FHIT: variants seen among roughly 807,000 people sequenced by gnomAD.
The protein encoded by FHIT is fragile histidine triad diadenosine triphosphatase.
Under a neutral mutation model 17.9 loss-of-function variants are expected in FHIT, and 19 were observed. The observed-to-expected ratio is 1.06, with a 90% CI of 0.74 to 1.56. FHIT has a LOEUF of 1.56. Ranked by LOEUF, FHIT falls within the 40% of genes most tolerant of loss-of-function variation. The probability of loss-of-function intolerance (pLI) is 0.00; values close to 1 mark genes in which losing one functional copy is unlikely to be tolerated. For missense variants in FHIT, 248 were observed against 189.2 expected, an observed-to-expected ratio of 1.31 and a Z score of -1.82; for synonymous variants, 81 against 69.7, an observed-to-expected ratio of 1.16 and a Z score of -0.81.
chr3:60,237,311 A>G (rs560196448), intron 5 of FHIT, among the ~76,000 whole-genome samples: 3 of 127,790 alleles, frequency 2.3e-5, no homozygotes, highest in African/African-American at 9.5e-5. Flanking sequence ...CCTATTTCCT[A>G]CATGACCTAA....
intron 5 of FHIT, among the ~76,000 whole-genome samples, chr3:60,063,362 C>G (rs1462389254): frequency 1.3e-5 from 2 of 152,136 alleles, no homozygotes; most frequent in Admixed American, 6.5e-5. Context: ...CTGATATACT[C>G]CAGATACATC....
intron 7 of FHIT, among the ~76,000 whole-genome samples, chr3:60,006,834 A>G (rs1325712863): frequency 1.3e-5 from 2 of 152,142 alleles, no homozygotes; most frequent in Non-Finnish European, 2.9e-5. Context: ...AAAGATTACC[A>G]AATTTTCAGG....
At chr3:59,932,594 G>A (rs909200066) in intron 7 of FHIT, among the ~76,000 whole-genome samples, 4 of 152,092 alleles carry the variant, frequency 2.6e-5, no homozygotes, top group Non-Finnish European at 5.9e-5. Flanking sequence ...TACCCACTTC[G>A]TTTAAAAGCC....
At chr3:60,571,709 T>A (rs571112696) in intron 4 of FHIT, among the ~76,000 whole-genome samples, 1 of 152,108 alleles carries the variant, frequency 6.6e-6, no homozygotes, top group East Asian at 1.9e-4. Flanking sequence ...ATCATTACAA[T>A]AGAGCTACAT....
At chr3:60,689,255 CTTTG>C (rs537868812) in intron 4 of FHIT, among the ~76,000 whole-genome samples, 78 of 152,172 alleles carry the variant, frequency 5.1e-4, no homozygotes, top group Middle Eastern at 3.4e-3. Flanking sequence ...AAATAAACGT[CTTTG>C]TTTGTGAATT....
At chr3:59,793,060 A>G (rs974865167) in intron 8 of FHIT, among the ~76,000 whole-genome samples, 3 of 152,198 alleles carry the variant, frequency 2.0e-5, no homozygotes, top group Middle Eastern at 3.4e-3. Flanking sequence ...TGCCCAGATC[A>G]TCATTTTCTT....
intron 2 of FHIT, among the ~76,000 whole-genome samples, chr3:61,094,800 C>T (rs2035589047): frequency 6.6e-6 from 1 of 152,138 alleles, no homozygotes; most frequent in Non-Finnish European, 1.5e-5. Context: ...GGACAGGGAG[C>T]ATCTACAGTG....
intron 8 of FHIT, among the ~76,000 whole-genome samples, chr3:59,844,252 A>C (rs1158977289): frequency 6.6e-6 from 1 of 152,170 alleles, no homozygotes; most frequent in Admixed American, 6.6e-5. Context: ...AACAGATATA[A>C]TTTAATTTCT....
intron 4 of FHIT, among the ~76,000 whole-genome samples, chr3:60,614,602 CA>C (rs531589565): frequency 8.7e-5 from 13 of 149,142 alleles, no homozygotes; most frequent in African/African-American, 2.7e-4. Flanking sequence ...CAAAACACCT[CA>C]AAAAAAATTA....
intron 4 of FHIT, among the ~76,000 whole-genome samples, chr3:60,740,480 T>C (rs1232822054): frequency 2.6e-5 from 4 of 152,238 alleles, no homozygotes; most frequent in African/African-American, 9.6e-5. Context: ...ACAATAGCTG[T>C]TAGCATTGTT....
intron 2 of FHIT, among the ~76,000 whole-genome samples, chr3:61,094,448 C>A (rs1308261609): frequency 6.6e-6 from 1 of 152,138 alleles, no homozygotes; most frequent in Non-Finnish European, 1.5e-5. Flanking sequence ...TAAAATTAGA[C>A]AATTCCCATA....
At chr3:60,209,327 T>G (rs908782366) in intron 5 of FHIT, among the ~76,000 whole-genome samples, 1 of 152,180 alleles carries the variant, frequency 6.6e-6, no homozygotes, top group African/African-American at 2.4e-5. Flanking sequence ...GTCTAGGCAC[T>G]GTAACAGTGG....
intron 4 of FHIT, among the ~76,000 whole-genome samples, chr3:60,544,682 C>T (rs887674469): frequency 1.1e-4 from 16 of 149,108 alleles, no homozygotes; most frequent in African/African-American, 2.5e-4. Flanking sequence ...CTGCAAACTC[C>T]GCCTCCCCGG....
chr3:60,648,872 G>A (rs950734164), intron 4 of FHIT, among the ~76,000 whole-genome samples: 3 of 152,276 alleles, frequency 2.0e-5, no homozygotes, highest in Admixed American at 2.0e-4. Flanking sequence ...AACATCTGAG[G>A]TTCACTCAGT....
intron 4 of FHIT, among the ~76,000 whole-genome samples, chr3:60,588,901 T>C (rs2107691500): frequency 6.6e-6 from 1 of 152,158 alleles, no homozygotes; most frequent in Non-Finnish European, 1.5e-5. Flanking sequence ...GTTTCCCAAG[T>C]TTAAGAATTC....
chr3:61,139,039 T>C (rs2036998550), intron 2 of FHIT, among the ~76,000 whole-genome samples: 1 of 151,268 alleles, frequency 6.6e-6, no homozygotes, highest in Non-Finnish European at 1.5e-5. Context: ...ACTTTTTTTT[T>C]TTTTTTTTGA....
intron 4 of FHIT, among the ~76,000 whole-genome samples, chr3:60,577,140 C>CTT (rs1328224774): frequency 6.6e-6 from 1 of 152,168 alleles, no homozygotes; most frequent in East Asian, 1.9e-4. Context: ...CAACAGGTAC[C>CTT]TTTTTGGTTT....
intron 3 of FHIT, among the ~76,000 whole-genome samples, chr3:60,948,203 G>A (rs1477427383): frequency 6.6e-6 from 1 of 152,080 alleles, no homozygotes; most frequent in Non-Finnish European, 1.5e-5. Flanking sequence ...ATCCCTAAGG[G>A]GGTCTTATAT....
intron 5 of FHIT, among the ~76,000 whole-genome samples, chr3:60,259,075 C>T (rs145662012): frequency 1.3e-5 from 2 of 151,622 alleles, no homozygotes; most frequent in Non-Finnish European, 2.9e-5. Flanking sequence ...AAAGACCTAC[C>T]TTGATGTGGT....
Sources: gnomAD v4.1 joint callset for allele counts (sites outside exome capture counted in the v4.1 genomes callset) on GRCh38, gnomAD v4.1.1 for gene constraint, MANE v1.5 for transcripts, NCBI Gene and HGNC (gene_info 2026-07-23, HGNC 2026-07-21) for gene names.